Variants in SLC9B2 observed in about 807,000 individuals in gnomAD.
SLC9B2 encodes solute carrier family 9 member B2.
In SLC9B2, 39 loss-of-function variants were observed where a neutral mutation model predicts 52.2. That is an observed-to-expected ratio of 0.75 (90% CI 0.58 to 0.98). The LOEUF (loss-of-function observed/expected upper bound fraction) is 0.98, where lower values mean the gene tolerates loss of function less well. SLC9B2 is among the 50% of genes least tolerant of loss of function. The pLI, the probability that SLC9B2 is intolerant of heterozygous loss-of-function variation, is 0.00. For missense variants in SLC9B2, 626 were observed against 637.5 expected (o/e 0.98, Z 0.19); for synonymous variants, 214 against 227.0 (o/e 0.94, Z 0.51).
At chr4:103,061,133 C>T (rs969713287) in intron 3 of SLC9B2, among the ~76,000 whole-genome samples, 9 of 152,164 alleles carry the variant, frequency 5.9e-5, no homozygotes, top group Non-Finnish European at 1.0e-4. Context: ...CTAGAAATAC[C>T]ATTTGACCCA....
intron 4 of SLC9B2, among the ~76,000 whole-genome samples, chr4:103,054,455 A>G (rs1297766956): frequency 6.6e-6 from 1 of 152,160 alleles, no homozygotes; most frequent in African/African-American, 2.4e-5. Context: ...CCTCTTTACA[A>G]TGAATTTTGA....
intron 1 of SLC9B2, 104 bp downstream of exon 1, chr4:103,076,080 A>G (rs1747116861): frequency 6.6e-6 from 1 of 152,354 alleles, no homozygotes; most frequent in East Asian, 1.9e-4. Flanking sequence ...TACAAACAGA[A>G]AAGGCTGGGC....
At chr4:103,044,845 A>G (rs1198881112) in intron 8 of SLC9B2, 45 bp downstream of exon 8, 8 of 1,433,972 alleles carry the variant, frequency 5.6e-6, no homozygotes, top group African/African-American at 1.4e-5. Flanking sequence ...ATGTTTTCCC[A>G]ATGATATTTC....
intron 11 of SLC9B2, among the ~76,000 whole-genome samples, chr4:103,027,438 G>C (rs996197534): frequency 6.6e-6 from 1 of 152,064 alleles, no homozygotes; most frequent in Non-Finnish European, 1.5e-5. Context: ...TTAGGTATTT[G>C]GTCAACTCCT....
intron 11 of SLC9B2, among the ~76,000 whole-genome samples, chr4:103,027,311 C>A (rs1742311606): frequency 6.6e-6 from 1 of 152,046 alleles, no homozygotes. Flanking sequence ...TGCAGTGATA[C>A]CTACTGAAAA....
Position 103,044,981 on chromosome 4 carries a change from T to C in SLC9B2, c.905A>G (p.Asn302Ser), listed in dbSNP as rs781707482. 1.2e-5 allele frequency: 19 copies of C among 1,612,826 alleles called. No homozygotes were observed. In the Admixed American group the frequency reaches 1.5e-4, roughly 13 times the overall value. The change falls in exon 8 of 12, where the codon AAT becomes AGT. Residue 302 changes from asparagine to serine, a missense_variant. Physicochemically the swap from Asn to Ser is conservative, Grantham distance 46. Coordinates refer to ENST00000394785, the MANE Select transcript of SLC9B2 (RefSeq NM_178833.7). ...CACCTCCAAAACTCCTCTGAGGACA[T>C]TAAAGACAGTAGAGCCTGAAAAATA... ...IAFSTGSTVF[N>S]VLRGVLEVVI... is the part of the protein sequence containing the mutation.
At position 103,043,429 on chromosome 4, in the gene SLC9B2, T is replaced by TAAAG; in HGVS notation, c.1012_1013insCTTT (p.Lys338ThrfsTer50). The TAAAG allele has an allele frequency of 6.2e-7, 1 of 1,606,922 alleles. No individual in the cohort carries two copies. Among genetic ancestry groups the TAAAG allele is most frequent in the Non-Finnish European group, 8.5e-7 (1 of 1,177,728 alleles). ...CAACCCCAACACAAGGAATGTTCTC[T>TAAAG]TACACACAAGTTTGTCCTTTAGGAG... On this transcript the variant is annotated frameshift_variant, in exon 9 of 12. Transcript: ENST00000394785.
intron 2 of SLC9B2, among the ~76,000 whole-genome samples, chr4:103,067,066 T>C (rs1405045150): frequency 2.0e-5 from 3 of 152,048 alleles, no homozygotes; most frequent in East Asian, 1.9e-4. Flanking sequence ...TTATAAATGC[T>C]TGGGTCACAT....
In SLC9B2 at chr4:103,070,614, G is replaced by T. The variant is rs568867563; in HGVS notation, c.-42-3022C>A. Reference sequence around the variant, plus strand: ...CGCCACCTCGCCTGGCTAATTTTTTGTATTTTTAGTAGAGATGGGTTTTCG... The same window carrying T: ...CGCCACCTCGCCTGGCTAATTTTTTTTATTTTTAGTAGAGATGGGTTTTCG... On this transcript the variant is annotated intron_variant, in intron 1 of 11. Coordinates refer to ENST00000394785, the MANE Select transcript of SLC9B2 (RefSeq NM_178833.7). Among the ~76,000 whole-genome samples, 51 of 152,186 alleles carry T rather than the reference G, an allele frequency of 3.4e-4. No individual in the cohort carries two copies. In the South Asian group the frequency reaches 0.011, roughly 32 times the overall value.
At chr4:103,020,069 C>T, downstream of SLC9B2, 1 of 318,664 alleles carries the variant, frequency 3.1e-6, no homozygotes, top group Non-Finnish European at 4.9e-6. Context: ...TAAACTGCAG[C>T]GCTGTCACTT....
rs776098601 is a variant in SLC9B2, at chr4:103,057,875, T to C, written c.368A>G (p.Tyr123Cys). The part of the protein sequence containing the change: ...GNLFGIIILF[Y>C]CAIIGGKLLG... ...AAGTTTACCACCAATGATGGCACAA[T>C]AGAATAGGATTATAATTCCAAATAG... Residue 123 changes from tyrosine to cysteine, a missense_variant, in exon 4 of 12, where the codon TAT becomes TGT. By Grantham distance (194) the Tyr-to-Cys change is radical (BLOSUM62 -2). Transcript: ENST00000394785. 3.1e-6 allele frequency: 5 copies of C among 1,613,876 alleles called. No individual in the cohort carries two copies. The highest frequency in any genetic ancestry group is 4.2e-6 in the Non-Finnish European group (5 of 1,179,956).
At chr4:103,069,529 A>G (rs768866854) in intron 1 of SLC9B2, among the ~76,000 whole-genome samples, 9 of 152,262 alleles carry the variant, frequency 5.9e-5, no homozygotes, top group Non-Finnish European at 1.0e-4. Flanking sequence ...GTTATTGCTA[A>G]CCATGCATAT....
At position 103,027,771 on chromosome 4, in the gene SLC9B2, C is replaced by A. The variant is rs575786219; in HGVS notation, c.1392+976G>T. Among the ~76,000 whole-genome samples the A allele has an allele frequency of 2.4e-4, 37 of 152,194 alleles. 1 individual carries two copies. In the East Asian group the frequency reaches 6.7e-3, roughly 28 times the overall value. ...AGAGACCTTTTTATAGAACTCTTAG[C>A]CATTATGTTTTAGACATTTTTGAAA... On this transcript the variant is annotated intron_variant, in intron 11 of 11. Coordinates refer to ENST00000394785, the MANE Select transcript of SLC9B2 (RefSeq NM_178833.7).
At chr4:103,066,569 T>G in intron 2 of SLC9B2, 62 bp from the exon 3 acceptor site, 1 of 1,446,240 alleles carries the variant, frequency 6.9e-7, no homozygotes, top group South Asian at 1.4e-5. Flanking sequence ...TATTTATAGG[T>G]ACTGCATCAT....
intron 4 of SLC9B2, 80 bp downstream of exon 4, chr4:103,057,721 T>G (rs1745276662): frequency 6.8e-7 from 1 of 1,465,694 alleles, no homozygotes; most frequent in Admixed American, 2.4e-5. Context: ...ATTTTATTCC[T>G]TTATTTCCCA....
intron 4 of SLC9B2, among the ~76,000 whole-genome samples, chr4:103,057,133 T>G (rs913821957): frequency 6.6e-6 from 1 of 151,916 alleles, no homozygotes; most frequent in South Asian, 2.1e-4. Context: ...CACACCATTA[T>G]GTAGTATTTC....
intron 3 of SLC9B2, among the ~76,000 whole-genome samples, chr4:103,061,091 T>G (rs1745600182): frequency 6.6e-6 from 1 of 152,164 alleles, no homozygotes; most frequent in Non-Finnish European, 1.5e-5. Context: ...GCTCTCAAAA[T>G]CAATCTCAAA....
intron 9 of SLC9B2, among the ~76,000 whole-genome samples, chr4:103,034,645 C>G (rs1225385414): frequency 6.6e-6 from 1 of 152,130 alleles, no homozygotes; most frequent in Non-Finnish European, 1.5e-5. Context: ...GGGCAAAGCA[C>G]ATGAACGGAC....
Position 103,057,930 on chromosome 4 carries a change from T to G in SLC9B2, c.313A>C (p.Thr105Pro). The change falls in exon 4 of 12, where the codon ACT (threonine) becomes CCT (proline). Residue 105 changes from threonine to proline, a missense_variant. Coordinates refer to ENST00000394785, the MANE Select transcript of SLC9B2 (RefSeq NM_178833.7). ...CCTCCAGGAAGACATTCACTGCCAG[T>G]AATTGACCAAACTACAGCCCACAGA... is the stretch of plus-strand genomic sequence containing the variant. Reference protein sequence around the residue: ...VLLWAVVWSITGSECLPGGNL... With the variant: ...VLLWAVVWSIPGSECLPGGNL... The G allele has an allele frequency of 1.2e-6, 2 of 1,613,862 alleles. No homozygotes were observed. Among genetic ancestry groups the G allele is most frequent in the South Asian group, 2.2e-5 (2 of 91,030 alleles).
Sources: gnomAD v4.1 joint callset for allele counts (sites outside exome capture counted in the v4.1 genomes callset) on GRCh38, gnomAD v4.1.1 for gene constraint, MANE v1.5 for transcripts, NCBI Gene and HGNC (gene_info 2026-07-23, HGNC 2026-07-21) for gene names.